The following ZMIZ1 variants were observed in gnomAD, a reference collection of about 807,000 sequenced individuals.
ZMIZ1 encodes zinc finger MIZ domain-containing protein 1.
In ZMIZ1, 17 loss-of-function variants were observed where a neutral mutation model predicts 113.9. The ratio of observed to expected loss-of-function variants is 0.15; its 90% CI spans 0.10 to 0.22. The LOEUF (loss-of-function observed/expected upper bound fraction) is 0.22, where lower values mean the gene tolerates loss of function less well. ZMIZ1 is among the 10% of genes least tolerant of loss of function. The pLI is 1.00. For synonymous variants in ZMIZ1, 607 were observed against 603.1 expected (o/e 1.01, Z -0.09); for missense variants, 1,059 against 1,477.8 (o/e 0.72, Z 4.65).
intron 7 of ZMIZ1, among the ~76,000 whole-genome samples, chr10:79,254,737 A>T (rs1850771433): frequency 6.6e-6 from 1 of 152,192 alleles, no homozygotes; most frequent in African/African-American, 2.4e-5. Flanking sequence ...AGGGCAGTTT[A>T]GACAGGTGGG....
At chr10:79,221,648 C>T (rs1389482150) in intron 7 of ZMIZ1, among the ~76,000 whole-genome samples, 3 of 152,178 alleles carry the variant, frequency 2.0e-5, no homozygotes, top group Non-Finnish European at 4.4e-5. Context: ...AACGTGGGCA[C>T]CAAGCACCAG....
intron 12 of ZMIZ1, 55 bp downstream of exon 12, chr10:79,293,708 G>T: frequency 6.2e-7 from 1 of 1,612,208 alleles, no homozygotes; most frequent in South Asian, 1.1e-5. Context: ...TGGGCTTGAA[G>T]ACATGGGCCG....
chr10:79,170,331 TCAGA>T (rs1027424712), intron 4 of ZMIZ1, among the ~76,000 whole-genome samples: 1 of 152,162 alleles, frequency 6.6e-6, no homozygotes, highest in African/African-American at 2.4e-5. Context: ...CTCATGACAA[TCAGA>T]CAGACATTCC....
chr10:79,312,623 A>G lies in ZMIZ1; in HGVS notation c.3097-19A>G, dbSNP rs768456159. 1 of 1,613,466 alleles carries G rather than the reference A, an allele frequency of 6.2e-7. No individual in the cohort carries two copies. The highest frequency in any genetic ancestry group is 8.5e-7 in the Non-Finnish European group (1 of 1,179,584). On this transcript the variant is annotated intron_variant, in intron 24 of 24. Coordinates refer to ENST00000334512, the MANE Select transcript of ZMIZ1 (RefSeq NM_020338.4). ...CTCAGGCACACCTCATCTGAACTTC[A>G]TTACTCCTTCTTTTCCAGCTCCTTC...
intron 6 of ZMIZ1, 46 bp downstream of exon 6, chr10:79,208,495 G>T (rs757594507): frequency 3.9e-6 from 6 of 1,539,656 alleles, no homozygotes. Flanking sequence ...AGGAAGGTCA[G>T]CTGAGTGCTA....
At chr10:79,071,307 C>T (rs1308906411) in intron 1 of ZMIZ1, among the ~76,000 whole-genome samples, 1 of 152,254 alleles carries the variant, frequency 6.6e-6, no homozygotes, top group Non-Finnish European at 1.5e-5. Context: ...ACTCCTCCTC[C>T]CTGGTGGGTG....
intron 1 of ZMIZ1, among the ~76,000 whole-genome samples, chr10:79,094,059 C>T (rs770158671): frequency 1.3e-5 from 2 of 152,218 alleles, no homozygotes; most frequent in Non-Finnish European, 2.9e-5. Context: ...CCCAGCTGTA[C>T]AATGCTGGGT....
At chr10:79,105,818 G>C (rs1166644108) in intron 1 of ZMIZ1, among the ~76,000 whole-genome samples, 1 of 152,206 alleles carries the variant, frequency 6.6e-6, no homozygotes, top group African/African-American at 2.4e-5. Flanking sequence ...TAAGCTAATG[G>C]CAGTTTCGAT....
chr10:79,296,391 A>G lies in ZMIZ1; in HGVS notation c.1231-80A>G. On this transcript the variant is annotated intron_variant, in intron 12 of 24. Coordinates refer to ENST00000334512, the MANE Select transcript of ZMIZ1 (RefSeq NM_020338.4). The surrounding 1 kb of genome is among the most constrained non-coding windows in gnomAD (Gnocchi z 4.1). ...GAGCAAATGAGGAGAGGCGGGCCCC[A>G]TCCCGTTGTTCAGGTGACCTGGCTA... 6.7e-7 allele frequency: 1 copy of G among 1,489,800 alleles called. No homozygotes were observed. The highest frequency in any genetic ancestry group is 1.2e-5 in the South Asian group (1 of 83,408). The allele number at this position is 1,489,800 out of a possible 1,614,324, so 92.3% of individuals were successfully genotyped here.
intron 5 of ZMIZ1, among the ~76,000 whole-genome samples, chr10:79,202,190 A>G (rs2790765): frequency 0.41 from 28,449 of 69,482 alleles, 3,332 homozygotes; most frequent in Non-Finnish European, 0.46. Context: ...CCTGTCTCAG[A>G]AAAAAAAAAA....
At chr10:79,252,428 A>G (rs1380437252) in intron 7 of ZMIZ1, among the ~76,000 whole-genome samples, 1 of 151,984 alleles carries the variant, frequency 6.6e-6, no homozygotes, top group African/African-American at 2.4e-5. Flanking sequence ...CCTCTCTCCC[A>G]GGAGTGTGTA....
intron 8 of ZMIZ1, among the ~76,000 whole-genome samples, chr10:79,288,044 C>T (rs1256500746): frequency 1.3e-5 from 2 of 152,162 alleles, no homozygotes; most frequent in African/African-American, 2.4e-5. Context: ...AGGAAGAAAG[C>T]GAGGGGCTGG....
intron 1 of ZMIZ1, among the ~76,000 whole-genome samples, chr10:79,091,355 C>T (rs537768748): frequency 4.1e-4 from 62 of 152,322 alleles, no homozygotes; most frequent in African/African-American, 1.4e-3. Flanking sequence ...CTCTTATCCC[C>T]TAGCACGGGG....
At chr10:79,299,548 C>T (rs1334965172) in intron 16 of ZMIZ1, among the ~76,000 whole-genome samples, 1 of 152,204 alleles carries the variant, frequency 6.6e-6, no homozygotes, top group Admixed American at 6.5e-5. Context: ...TGGCCAGAGC[C>T]AGGAATGCAG....
At chr10:79,089,437 T>G (rs971525890) in intron 1 of ZMIZ1, among the ~76,000 whole-genome samples, 9 of 152,210 alleles carry the variant, frequency 5.9e-5, no homozygotes, top group Non-Finnish European at 1.2e-4. Context: ...CTTCTCCGGT[T>G]TGCTCTAGTT....
Position 79,113,756 on chromosome 10 carries a change from C to G in ZMIZ1, c.-336-5159C>G, listed in dbSNP as rs1453756248. 3.9e-5 allele frequency among the ~76,000 whole-genome samples: 6 copies of G among 152,136 alleles called. No individual in the cohort carries two copies. In the East Asian group the frequency reaches 1.2e-3, roughly 29 times the overall value. On this transcript the variant is annotated intron_variant, in intron 1 of 24. Transcript: ENST00000334512. ...TTTTGGTGAAGGCTTCCCTGGCACC[C>G]CTACTCTGGCCAAGGCTGCCCCCCT...
chr10:79,140,828 G>A (rs1014630032), intron 3 of ZMIZ1, among the ~76,000 whole-genome samples: 1 of 152,078 alleles, frequency 6.6e-6, no homozygotes, highest in Non-Finnish European at 1.5e-5. Context: ...TGTCACCCAG[G>A]TTGGAGTGCA....
At chr10:79,093,350 C>T (rs1843057302) in intron 1 of ZMIZ1, among the ~76,000 whole-genome samples, 2 of 149,638 alleles carry the variant, frequency 1.3e-5, no homozygotes, top group African/African-American at 2.5e-5. Flanking sequence ...TATTTTGAGA[C>T]AGAGTCTCAC....
chr10:79,246,837 G>A (rs1850233203), intron 7 of ZMIZ1, among the ~76,000 whole-genome samples: 1 of 152,218 alleles, frequency 6.6e-6, no homozygotes, highest in African/African-American at 2.4e-5. Context: ...AGGCAGGGAA[G>A]GAAGGCCAGC....
Sources: gnomAD v4.1 joint callset for allele counts (sites outside exome capture counted in the v4.1 genomes callset) on GRCh38, gnomAD v4.1.1 for gene constraint, Gnocchi (gnomAD v3.1) non-coding constraint, MANE v1.5 for transcripts, NCBI Gene and HGNC (gene_info 2026-07-23, HGNC 2026-07-21) for gene names.